The following DLGAP4 variants were observed in gnomAD, a reference collection of about 807,000 sequenced individuals.
DLGAP4 encodes disks large-associated protein 4.
DLGAP4 carries 18 observed loss-of-function variants against 86.9 expected under a neutral mutation model. The observed-to-expected ratio is 0.21, with a 90% CI of 0.14 to 0.31. The LOEUF (loss-of-function observed/expected upper bound fraction) is 0.31, where lower values mean the gene tolerates loss of function less well. Among genes scored for constraint, DLGAP4 ranks in the 10% least tolerant of loss-of-function variants. The probability of loss-of-function intolerance (pLI) is 1.00; values close to 1 mark genes in which losing one functional copy is unlikely to be tolerated. For missense variants in DLGAP4, 1,085 were observed against 1,362.6 expected (o/e 0.80, Z 3.21); for synonymous variants, 548 against 574.3 (o/e 0.95, Z 0.65).
At chr20:36,451,718 G>T (rs117495935) in intron 7 of DLGAP4, among the ~76,000 whole-genome samples, 2,042 of 151,370 alleles carry the variant, frequency 0.013, 23 homozygotes, top group Non-Finnish European at 0.022. Flanking sequence ...TCCACATACG[G>T]CATCTTAACT....
chr20:36,503,108 G>A (rs1402372943), intron 10 of DLGAP4, among the ~76,000 whole-genome samples: 1 of 152,148 alleles, frequency 6.6e-6, no homozygotes, highest in Non-Finnish European at 1.5e-5. Context: ...GTTAGTTGCT[G>A]TACCTGCTGT....
chr20:36,458,344 CTT>C lies in DLGAP4; in HGVS notation c.1648+11430_1648+11431del, dbSNP rs1173496431. Among the ~76,000 whole-genome samples the C allele has an allele frequency of 8.8e-3, 802 of 91,388 alleles. 8 individuals are homozygous for C. The highest frequency in any genetic ancestry group is 0.037 in the African/African-American group (757 of 20,416). The allele number at this position is 91,388 out of a possible 152,430, so 60.0% of individuals were successfully genotyped here. Reference sequence around the variant, plus strand: ...TGGCCAACGTGGTGAAACCCCATATCTTTTTTTTTTTTTTTTTTTTTTTTGAG... The same window carrying C: ...TGGCCAACGTGGTGAAACCCCATATCTTTTTTTTTTTTTTTTTTTTTTGAG... On this transcript the variant is annotated intron_variant, in intron 7 of 12. Coordinates refer to ENST00000339266, the MANE Select transcript of DLGAP4 (RefSeq NM_001365621.2).
intron 1 of DLGAP4, among the ~76,000 whole-genome samples, chr20:36,307,041 C>A (rs1012070648): frequency 1.3e-5 from 2 of 152,214 alleles, no homozygotes; most frequent in Non-Finnish European, 2.9e-5. Context: ...CTCGGTAGAC[C>A]CGGGAGCCGC....
chr20:36,504,541 G>A (rs1211436845), intron 10 of DLGAP4, among the ~76,000 whole-genome samples: 6 of 152,162 alleles, frequency 3.9e-5, no homozygotes, highest in Non-Finnish European at 7.4e-5. Context: ...ATCTGGTAAC[G>A]CTATGTTTAA....
chr20:36,442,257 C>T (rs1160777286), intron 5 of DLGAP4, among the ~76,000 whole-genome samples: 1 of 152,142 alleles, frequency 6.6e-6, no homozygotes, highest in Non-Finnish European at 1.5e-5. Context: ...TGCAATGGCG[C>T]GATCCCAGCT....
chr20:36,461,438 G>T lies in DLGAP4; in HGVS notation c.1648+14501G>T, dbSNP rs1402250506. The T allele has an allele frequency of 4.6e-6, 4 of 875,706 alleles. No homozygotes were observed. In the African/African-American group the frequency reaches 1.2e-4, roughly 26 times the overall value. 54.2% of individuals were successfully genotyped at this position (875,706 alleles called of 1,614,324 possible). A position where few individuals can be genotyped will look rare whatever the true frequency, so the allele number is the denominator to read the frequency against. Reference sequence around the variant, plus strand: ...GCGGGGAGGGGCGGGGCAGGTGCGGGACTTTAACCCGGAGCCCCGCCCCTC... The same window carrying T: ...GCGGGGAGGGGCGGGGCAGGTGCGGTACTTTAACCCGGAGCCCCGCCCCTC... On this transcript the variant is annotated intron_variant, in intron 7 of 12. Coordinates refer to ENST00000339266, the MANE Select transcript of DLGAP4 (RefSeq NM_001365621.2).
chr20:36,454,459 T>C (rs1419857744), intron 7 of DLGAP4, among the ~76,000 whole-genome samples: 1 of 152,058 alleles, frequency 6.6e-6, no homozygotes, highest in Non-Finnish European at 1.5e-5. Flanking sequence ...TTGATCAGTA[T>C]AAAACTTGTA....
intron 2 of DLGAP4, among the ~76,000 whole-genome samples, chr20:36,371,944 A>G (rs2030956313): frequency 6.6e-6 from 1 of 152,070 alleles, no homozygotes; most frequent in African/African-American, 2.4e-5. Context: ...GTGGGGAGGA[A>G]CAGAGGATTT....
At chr20:36,424,488 G>T (rs1378208159) in intron 2 of DLGAP4, among the ~76,000 whole-genome samples, 1 of 152,178 alleles carries the variant, frequency 6.6e-6, no homozygotes, top group South Asian at 2.1e-4. Context: ...GGCATCTTGG[G>T]TGAGGCATCT....
chr20:36,441,035 T>C, intron 5 of DLGAP4, among the ~76,000 whole-genome samples: 1 of 151,562 alleles, frequency 6.6e-6, no homozygotes, highest in East Asian at 1.9e-4. Context: ...CCTGCCCCCC[T>C]CATCCAGACT....
chr20:36,517,740 A>G (rs2037128792), intron 10 of DLGAP4, among the ~76,000 whole-genome samples: 1 of 152,198 alleles, frequency 6.6e-6, no homozygotes, highest in South Asian at 2.1e-4. Context: ...GAATAAACCC[A>G]GCTAAATTTA....
At chr20:36,503,555 T>C (rs998208871) in intron 10 of DLGAP4, among the ~76,000 whole-genome samples, 1 of 147,932 alleles carries the variant, frequency 6.8e-6, no homozygotes, top group Non-Finnish European at 1.5e-5. Flanking sequence ...TGGCGCGATC[T>C]TGGCTCACTG....
chr20:36,496,653 TG>T, intron 7 of DLGAP4, 51 bp from the exon 8 acceptor site: 2 of 1,557,216 alleles, frequency 1.3e-6, no homozygotes, highest in Non-Finnish European at 8.7e-7. Flanking sequence ...TTGAGAGGGT[TG>T]GGGGCTTCAC....
intron 2 of DLGAP4, among the ~76,000 whole-genome samples, chr20:36,369,701 G>T (rs1348818357): frequency 6.6e-6 from 1 of 152,224 alleles, no homozygotes; most frequent in African/African-American, 2.4e-5. Context: ...AGTGACCTGG[G>T]TGGTGGTTAC....
intron 1 of DLGAP4, among the ~76,000 whole-genome samples, chr20:36,347,905 T>C (rs544795934): frequency 1.2e-4 from 18 of 152,050 alleles, no homozygotes; most frequent in Admixed American, 5.2e-4. Flanking sequence ...CAGGGCCTAA[T>C]TGGTGTCTCC....
chr20:36,322,034 G>C (rs1212060607), intron 1 of DLGAP4, among the ~76,000 whole-genome samples: 42 of 152,180 alleles, frequency 2.8e-4, no homozygotes, highest in African/African-American at 9.7e-4. Flanking sequence ...GGCCCTTAGG[G>C]AACTCAAAAA....
intron 7 of DLGAP4, among the ~76,000 whole-genome samples, chr20:36,448,084 A>C (rs1266132895): frequency 6.6e-6 from 1 of 150,674 alleles, no homozygotes. Context: ...AGCTGGGTGC[A>C]GTGGCTCACG....
At chr20:36,453,751 G>A (rs546182506) in intron 7 of DLGAP4, among the ~76,000 whole-genome samples, 2 of 151,552 alleles carry the variant, frequency 1.3e-5, no homozygotes, top group Non-Finnish European at 2.9e-5. Flanking sequence ...TGGCCAACAT[G>A]GTGAAACCCT....
intron 1 of DLGAP4, among the ~76,000 whole-genome samples, chr20:36,361,019 A>G (rs957497473): frequency 6.6e-6 from 1 of 151,914 alleles, no homozygotes; most frequent in Non-Finnish European, 1.5e-5. Flanking sequence ...GTGGGGGCCA[A>G]TGGCGTCACC....
Sources: gnomAD v4.1 joint callset for allele counts (sites outside exome capture counted in the v4.1 genomes callset) on GRCh38, gnomAD v4.1.1 for gene constraint, MANE v1.5 for transcripts, NCBI Gene and HGNC (gene_info 2026-07-23, HGNC 2026-07-21) for gene names.